Variants in LARP1 observed in about 807,000 individuals in gnomAD.
The protein encoded by LARP1 is La ribonucleoprotein 1, translational regulator, also known as la-related protein 1.
LARP1 carries 36 observed loss-of-function variants against 122.7 expected under a neutral mutation model. That is an observed-to-expected ratio of 0.29 (90% CI 0.22 to 0.39). LARP1 has a LOEUF of 0.39. LARP1 is among the 10% of genes least tolerant of loss of function. The pLI, the probability that LARP1 is intolerant of heterozygous loss-of-function variation, is 1.00. For synonymous variants in LARP1, 539 were observed against 528.7 expected, an observed-to-expected ratio of 1.02 and a Z score of -0.27; for missense variants, 1,040 against 1,403.6, an observed-to-expected ratio of 0.74 and a Z score of 4.14.
chr5:154,704,158 C>G lies in LARP1; in HGVS notation c.-180+21121C>G, dbSNP rs1043125837. 2.0e-5 allele frequency among the ~76,000 whole-genome samples: 3 copies of G among 152,230 alleles called. No homozygotes were observed. In the South Asian group the frequency reaches 6.2e-4, roughly 32 times the overall value. On this transcript the variant is annotated intron_variant, in intron 1 of 18. Transcript: ENST00000687700. ...AAATGAACACTGGCAACAAGCTGCACTTTTTTTCTAAATGAGAAATGGGTT... is the reference window on the plus strand; with the variant it reads ...AAATGAACACTGGCAACAAGCTGCAGTTTTTTTCTAAATGAGAAATGGGTT...
At chr5:154,756,342 G>C (rs1044640618) in intron 1 of LARP1, 149 bp downstream of exon 1, 42 of 938,142 alleles carry the variant, frequency 4.5e-5, no homozygotes, top group Admixed American at 1.2e-4. Flanking sequence ...GATCCTGGTC[G>C]CCGCGCCCTC....
chr5:154,699,594 A>G (rs1192168032), intron 1 of LARP1, among the ~76,000 whole-genome samples: 1 of 152,234 alleles, frequency 6.6e-6, no homozygotes, highest in Non-Finnish European at 1.5e-5. Flanking sequence ...CGACCTAACT[A>G]AAGAATAGAC....
chr5:154,731,756 G>A (rs781086684), intron 1 of LARP1, among the ~76,000 whole-genome samples: 61 of 152,132 alleles, frequency 4.0e-4, no homozygotes, highest in Non-Finnish European at 7.9e-4. Flanking sequence ...ATGAGCCAGC[G>A]GGGTGGCTCA....
At chr5:154,777,088 A>G (rs1755958269) in intron 1 of LARP1, among the ~76,000 whole-genome samples, 2 of 152,220 alleles carry the variant, frequency 1.3e-5, no homozygotes. Context: ...CGTACTATGG[A>G]CTTAGGTTGT....
At chr5:154,807,642 T>C (rs1000463350) in intron 15 of LARP1, among the ~76,000 whole-genome samples, 6 of 152,272 alleles carry the variant, frequency 3.9e-5, no homozygotes, top group African/African-American at 9.6e-5. Flanking sequence ...TCTCGAACTA[T>C]TGGGCTCAAG....
chr5:154,795,154 C>G (rs1450137303), intron 7 of LARP1, 21 bp from the exon 8 acceptor site: 1 of 1,612,076 alleles, frequency 6.2e-7, no homozygotes, highest in Non-Finnish European at 8.5e-7. Flanking sequence ...TCGGTGATAA[C>G]TACTTCTTCC....
intron 1 of LARP1, among the ~76,000 whole-genome samples, chr5:154,685,115 G>A (rs545177498): frequency 2.0e-5 from 3 of 152,146 alleles, no homozygotes; most frequent in Admixed American, 1.3e-4. Flanking sequence ...ATGGTGACGC[G>A]CACCTGTAAT....
At chr5:154,790,530 T>C in intron 2 of LARP1, 115 bp from the exon 3 acceptor site, 1 of 1,312,758 alleles carries the variant, frequency 7.6e-7, no homozygotes. Flanking sequence ...CCAGTGTGAA[T>C]GGTCCTGGTG....
intron 1 of LARP1, among the ~76,000 whole-genome samples, chr5:154,747,686 G>A (rs938958554): frequency 1.3e-5 from 2 of 151,746 alleles, no homozygotes; most frequent in Non-Finnish European, 2.9e-5. Context: ...GGCAACAAAA[G>A]CGAAAATCCG....
At position 154,814,072 on chromosome 5, in the gene LARP1, G is replaced by A. The variant is rs777191209; in HGVS notation, c.3267G>A (p.Ser1089=). 4.1e-5 allele frequency: 66 copies of A among 1,613,914 alleles called. No individual in the cohort carries two copies. Among genetic ancestry groups the A allele is most frequent in the Admixed American group, 1.5e-4 (9 of 59,998 alleles). ...REDAKWTSQH[S]NTQTLGK ...ATGCCAAATGGACAAGCCAGCACTCGAACACACAGACTTTGGGAAAGTGAA... is the reference window on the plus strand; with the variant it reads ...ATGCCAAATGGACAAGCCAGCACTCAAACACACAGACTTTGGGAAAGTGAA... Residue 1089 remains serine (S), a synonymous_variant, in exon 19 of 19, where the codon TCG becomes TCA. Transcript: ENST00000518297.
intron 1 of LARP1, among the ~76,000 whole-genome samples, chr5:154,764,904 CAA>C (rs57409005): frequency 4.6e-4 from 47 of 102,424 alleles, no homozygotes; most frequent in East Asian, 8.4e-4. Context: ...GACTCCATCA[CAA>C]AAAAAAAAAA....
intron 1 of LARP1, chr5:154,685,724 C>A: frequency 2.6e-6 from 1 of 388,814 alleles, no homozygotes; most frequent in Non-Finnish European, 5.0e-6. Context: ...GTAATTCCAA[C>A]ACTTTGGGAG....
intron 14 of LARP1, chr5:154,804,981 C>T (rs1208306299): frequency 6.7e-6 from 3 of 449,932 alleles, no homozygotes; most frequent in Non-Finnish European, 1.3e-5. Context: ...ACTTTTGACT[C>T]TCCAAAAGCC....
At chr5:154,738,366 T>A (rs1211507567) in intron 1 of LARP1, among the ~76,000 whole-genome samples, 1 of 151,838 alleles carries the variant, frequency 6.6e-6, no homozygotes, top group Non-Finnish European at 1.5e-5. Context: ...GAGAGGTGGG[T>A]GGATCGCCTG....
Position 154,793,698 on chromosome 5 carries a change from ACCTGCCAATCG to A in LARP1, c.845_855del (p.Pro282ArgfsTer7). 1 of 1,613,728 alleles carries A rather than the reference ACCTGCCAATCG, an allele frequency of 6.2e-7. No homozygotes were observed. Among genetic ancestry groups the A allele is most frequent in the South Asian group, 1.1e-5 (1 of 91,088 alleles). The stretch of plus-strand genomic sequence containing the variant: ...CTCGCCCACCGGAGCCTAGACACAT[ACCTGCCAATCG>A]CGGAGAGATCAAAGGTATGCACTAC... On this transcript the variant is annotated frameshift_variant, in exon 5 of 19. Coordinates refer to ENST00000518297, the MANE Select transcript of LARP1 (RefSeq NM_033551.3). LOFTEE classifies it high-confidence loss of function.
chr5:154,702,902 G>A (rs1015154787), intron 1 of LARP1, among the ~76,000 whole-genome samples: 6 of 151,498 alleles, frequency 4.0e-5, no homozygotes, highest in African/African-American at 1.5e-4. Context: ...GGCGGATCAC[G>A]AGGTCAGGAG....
chr5:154,684,738 T>C (rs1753846189), intron 1 of LARP1, among the ~76,000 whole-genome samples: 1 of 152,188 alleles, frequency 6.6e-6, no homozygotes, highest in African/African-American at 2.4e-5. Flanking sequence ...GCCTCCATTT[T>C]TTCATCTGTT....
chr5:154,716,321 G>T (rs1025835825), intron 1 of LARP1, among the ~76,000 whole-genome samples: 1 of 151,914 alleles, frequency 6.6e-6, no homozygotes, highest in African/African-American at 2.4e-5. Context: ...GGGTTTTGCC[G>T]TGTTGGCCAG....
intron 1 of LARP1, among the ~76,000 whole-genome samples, chr5:154,781,661 A>G (rs1013540944): frequency 6.6e-6 from 1 of 152,228 alleles, no homozygotes; most frequent in Non-Finnish European, 1.5e-5. Flanking sequence ...GGCATCATGC[A>G]AAGACATTGT....
Sources: allele counts gnomAD v4.1 joint callset (sites outside exome capture counted in the v4.1 genomes callset), GRCh38; gene constraint gnomAD v4.1.1; transcripts MANE v1.5; gene names NCBI Gene and HGNC (gene_info 2026-07-23, HGNC 2026-07-21).